DNAI3: variants seen among roughly 807,000 people sequenced by gnomAD.
The protein encoded by DNAI3 is dynein axonemal intermediate chain 3, also known as WD repeat domain 63.
A neutral mutation model predicts 115.5 loss-of-function variants in DNAI3; 83 were observed. That is an observed-to-expected ratio of 0.72 (90% CI 0.60 to 0.86). The LOEUF (loss-of-function observed/expected upper bound fraction) is 0.86. Among genes scored for constraint, DNAI3 ranks in the 40% least tolerant of loss-of-function variants. DNAI3 has a pLI of 0.00. For synonymous variants in DNAI3, 320 were observed against 347.0 expected (o/e 0.92, Z 0.86); for missense variants, 1,004 against 1,075.8 (o/e 0.93, Z 0.93).
intron 3 of DNAI3, among the ~76,000 whole-genome samples, chr1:85,074,707 G>A (rs1320494694): frequency 6.6e-6 from 1 of 152,168 alleles, no homozygotes; most frequent in Non-Finnish European, 1.5e-5. Context: ...TACTGAATTA[G>A]CCAATACTGG....
intron 8 of DNAI3, 145 bp from the exon 9 acceptor site, chr1:85,093,311 CAT>C (rs1251596055): frequency 3.8e-6 from 3 of 799,862 alleles, no homozygotes; most frequent in Non-Finnish European, 5.8e-6. Flanking sequence ...ATTTATTTCA[CAT>C]GAGGTTAATC....
rs138247783 is a variant in DNAI3 at position 85,072,344 on chromosome 1, T to TA, written c.64+342dup. 8.4e-3 allele frequency among the ~76,000 whole-genome samples: 1,274 copies of TA among 152,304 alleles called. 18 individuals carry two copies. The highest frequency in any genetic ancestry group is 0.029 in the African/African-American group (1,210 of 41,546). On this transcript the variant is annotated intron_variant, in intron 2 of 22. Transcript: ENST00000294664. Reference sequence around the variant, plus strand: ...TTATATTTTGTGTTTTGAGGTTTGGTAAAGATTATAGTAAACTGGCTGGGC... The same window carrying TA: ...TTATATTTTGTGTTTTGAGGTTTGGTAAAAGATTATAGTAAACTGGCTGGGC...
At chr1:85,102,170 C>G (rs1161507909) in intron 13 of DNAI3, among the ~76,000 whole-genome samples, 2 of 151,980 alleles carry the variant, frequency 1.3e-5, no homozygotes, top group Non-Finnish European at 2.9e-5. Flanking sequence ...TAACAATAAT[C>G]TATTATATAT....
intron 17 of DNAI3, among the ~76,000 whole-genome samples, chr1:85,120,591 T>A (rs1459942395): frequency 6.6e-6 from 1 of 152,194 alleles, no homozygotes; most frequent in Non-Finnish European, 1.5e-5. Context: ...CAGGAGATAT[T>A]AATAACTCTC....
At chr1:85,072,939 A>C (rs1159438556) in intron 2 of DNAI3, 115 bp from the exon 3 acceptor site, 13 of 535,180 alleles carry the variant, frequency 2.4e-5, no homozygotes, top group Non-Finnish European at 3.8e-5. Flanking sequence ...TGGGCGACAG[A>C]GCAAGACTCC....
chr1:85,088,218 T>A (rs569672240), intron 7 of DNAI3, among the ~76,000 whole-genome samples: 1 of 152,206 alleles, frequency 6.6e-6, no homozygotes, highest in South Asian at 2.1e-4. Flanking sequence ...GTACCAAGAA[T>A]GAGTCAGCCA....
At chr1:85,101,429 A>G (rs1232960006) in intron 13 of DNAI3, among the ~76,000 whole-genome samples, 2 of 152,174 alleles carry the variant, frequency 1.3e-5, no homozygotes, top group African/African-American at 4.8e-5. Context: ...TTAAATTTAA[A>G]TGAAAATAAC....
At chr1:85,090,445 CTGTGTGAGGAGTTGAG>C (rs965891530) in intron 8 of DNAI3, among the ~76,000 whole-genome samples, 9 of 152,162 alleles carry the variant, frequency 5.9e-5, no homozygotes, top group African/African-American at 2.2e-4. Context: ...CCACATCAAA[CTGTGTGAGGAGTTGAG>C]TGTGTGAGGA....
intron 11 of DNAI3, among the ~76,000 whole-genome samples, chr1:85,096,781 A>T (rs1266284395): frequency 6.6e-6 from 1 of 151,976 alleles, no homozygotes; most frequent in Non-Finnish European, 1.5e-5. Flanking sequence ...TTCCATGTCC[A>T]TTTATCCAGA....
chr1:85,096,135 C>A, intron 11 of DNAI3, 115 bp downstream of exon 11: 1 of 891,104 alleles, frequency 1.1e-6, no homozygotes, highest in Non-Finnish European at 1.8e-6. Context: ...GAAGGCATGC[C>A]AATTGTGTGC....
chr1:85,083,517 C>G (rs559527935), intron 5 of DNAI3, among the ~76,000 whole-genome samples: 1 of 151,826 alleles, frequency 6.6e-6, no homozygotes, highest in South Asian at 2.1e-4. Flanking sequence ...TAAAAGCTAA[C>G]AGTTTATAAT....
At chr1:85,076,480 C>T (rs1571158482) in intron 3 of DNAI3, among the ~76,000 whole-genome samples, 1 of 152,160 alleles carries the variant, frequency 6.6e-6, no homozygotes, top group African/African-American at 2.4e-5. Context: ...CTAATAAAGA[C>T]ATACCTGAGA....
intron 3 of DNAI3, among the ~76,000 whole-genome samples, chr1:85,075,541 T>C (rs1008368211): frequency 1.3e-5 from 2 of 152,102 alleles, no homozygotes; most frequent in Non-Finnish European, 2.9e-5. Flanking sequence ...AGGACCCCTC[T>C]GACTTCCTCA....
At chr1:85,062,757 A>G (rs1304959522) in intron 1 of DNAI3, among the ~76,000 whole-genome samples, 1 of 152,112 alleles carries the variant, frequency 6.6e-6, no homozygotes, top group Non-Finnish European at 1.5e-5. Flanking sequence ...TGACTATCAT[A>G]TTGCCTAGTA....
At chr1:85,109,180 A>C (rs989432029) in intron 15 of DNAI3, among the ~76,000 whole-genome samples, 3 of 152,244 alleles carry the variant, frequency 2.0e-5, no homozygotes, top group Admixed American at 2.0e-4. Flanking sequence ...ATTTGAGAAA[A>C]ATATGGCTAT....
At chr1:85,100,570 C>T (rs1655267276) in intron 13 of DNAI3, among the ~76,000 whole-genome samples, 1 of 152,150 alleles carries the variant, frequency 6.6e-6, no homozygotes, top group African/African-American at 2.4e-5. Flanking sequence ...TGTGGCGATT[C>T]CTCAAGGATC....
At chr1:85,090,768 C>T (rs1654948676) in intron 8 of DNAI3, among the ~76,000 whole-genome samples, 1 of 152,072 alleles carries the variant, frequency 6.6e-6, no homozygotes, top group Non-Finnish European at 1.5e-5. Flanking sequence ...GTTAGTAGGA[C>T]CCTGGGTAGA....
chr1:85,130,926 C>T (rs1035990956), intron 22 of DNAI3, among the ~76,000 whole-genome samples: 8 of 152,112 alleles, frequency 5.3e-5, no homozygotes, highest in African/African-American at 1.9e-4. Flanking sequence ...GCTGGTCTTC[C>T]CTTGCCCACT....
At chr1:85,085,152 G>C (rs1162031071) in intron 6 of DNAI3, among the ~76,000 whole-genome samples, 6 of 152,140 alleles carry the variant, frequency 3.9e-5, no homozygotes, top group Admixed American at 1.3e-4. Flanking sequence ...CCAGAAGTCA[G>C]GACAGAAACA....
Sources: gnomAD v4.1 joint callset for allele counts (sites outside exome capture counted in the v4.1 genomes callset) on GRCh38, gnomAD v4.1.1 for gene constraint, MANE v1.5 for transcripts, NCBI Gene and HGNC (gene_info 2026-07-23, HGNC 2026-07-21) for gene names.